DPYS: variants seen among roughly 807,000 people sequenced by gnomAD.
DPYS encodes dihydropyrimidinase.
DPYS carries 39 observed loss-of-function variants against 50.3 expected under a neutral mutation model. The ratio of observed to expected loss-of-function variants is 0.78; its 90% CI spans 0.60 to 1.01. The LOEUF (loss-of-function observed/expected upper bound fraction) is 1.01. Among genes scored for constraint, DPYS ranks in the 50% least tolerant of loss-of-function variants. The pLI is 0.00. For synonymous variants in DPYS, 245 were observed against 250.7 expected (o/e 0.98, Z 0.22); for missense variants, 659 against 680.9 (o/e 0.97, Z 0.36).
chr8:104,452,319 C>G (rs1448413446), intron 1 of DPYS, among the ~76,000 whole-genome samples: 2 of 152,214 alleles, frequency 1.3e-5, no homozygotes, highest in East Asian at 3.9e-4. Context: ...TGTATTCAAA[C>G]AATGTAGGTG....
At chr8:104,393,056 A>G (rs974190426) in intron 7 of DPYS, 65 bp from the exon 8 acceptor site, 2 of 1,471,014 alleles carry the variant, frequency 1.4e-6, no homozygotes, top group African/African-American at 2.8e-5. Flanking sequence ...AATATAAAAT[A>G]TTAAAAGAAG....
intron 8 of DPYS, among the ~76,000 whole-genome samples, chr8:104,383,665 A>C (rs1268175142): frequency 6.6e-6 from 1 of 150,838 alleles, no homozygotes; most frequent in Non-Finnish European, 1.5e-5. Flanking sequence ...ACAGTGGCAC[A>C]ATGTTGGCTC....
At chr8:104,411,239 A>G (rs1331922248) in intron 7 of DPYS, among the ~76,000 whole-genome samples, 1 of 152,232 alleles carries the variant, frequency 6.6e-6, no homozygotes, top group Non-Finnish European at 1.5e-5. Context: ...CACACAATGA[A>G]CATGCAATCA....
At chr8:104,464,151 T>C (rs1413251301) in intron 1 of DPYS, among the ~76,000 whole-genome samples, 1 of 152,226 alleles carries the variant, frequency 6.6e-6, no homozygotes, top group Non-Finnish European at 1.5e-5. Context: ...TTTTGTTTAA[T>C]GTTTTCACAA....
intron 7 of DPYS, among the ~76,000 whole-genome samples, chr8:104,403,502 G>A (rs773820599): frequency 1.1e-4 from 17 of 152,124 alleles, no homozygotes; most frequent in African/African-American, 3.6e-4. Context: ...GATCTCTGCC[G>A]CCAGTAACAG....
rs1400397779 is a variant in DPYS at position 104,451,235 on chromosome 8, A to T, written c.423+11T>A. The T allele has an allele frequency of 1.2e-6, 2 of 1,613,542 alleles. No homozygotes were observed. Among genetic ancestry groups the T allele is most frequent in the Non-Finnish European group, 8.5e-7 (1 of 1,179,990 alleles). On this transcript the variant is annotated intron_variant, in intron 2 of 9. Transcript: ENST00000351513. ...GGACAATGGGAACACATTGAAATCC[A>T]GGTGCTTTACCTGGTCACTCCACCA...
chr8:104,455,776 T>C (rs1270923304), intron 1 of DPYS, among the ~76,000 whole-genome samples: 1 of 152,024 alleles, frequency 6.6e-6, no homozygotes, highest in East Asian at 1.9e-4. Flanking sequence ...AAAACCACAC[T>C]GAGCCAAGAC....
intron 1 of DPYS, among the ~76,000 whole-genome samples, chr8:104,461,359 G>A (rs576322085): frequency 4.9e-5 from 7 of 141,690 alleles, no homozygotes; most frequent in African/African-American, 8.0e-5. Context: ...ATCCATCATC[G>A]ACAAGAATAC....
At chr8:104,413,637 C>A (rs1173744541) in intron 7 of DPYS, among the ~76,000 whole-genome samples, 1 of 152,052 alleles carries the variant, frequency 6.6e-6, no homozygotes, top group East Asian at 1.9e-4. Flanking sequence ...TCAGAGAAGA[C>A]CCAATATAAG....
Position 104,434,166 on chromosome 8 carries a change from T to C in DPYS, c.794-4465A>G, listed in dbSNP as rs1030434141. Among the ~76,000 whole-genome samples, 13 of 656 alleles carry C rather than the reference T, an allele frequency of 0.02. No homozygotes were observed. The Admixed American group carries it at 0.22, about 11-fold the overall frequency. 0.4% of individuals were successfully genotyped at this position (656 alleles called of 152,430 possible). A position where few individuals can be genotyped will look rare whatever the true frequency, so the allele number is the denominator to read the frequency against. On this transcript the variant is annotated intron_variant, in intron 4 of 9. Transcript: ENST00000351513. The stretch of plus-strand genomic sequence containing the variant: ...GGGGCTTCCTGGTTATAGGTAGATG[T>C]CAAATTTTCTGATTGGCAATTGGTT...
intron 1 of DPYS, among the ~76,000 whole-genome samples, chr8:104,458,060 G>T (rs1217949113): frequency 6.6e-6 from 1 of 152,160 alleles, no homozygotes; most frequent in Non-Finnish European, 1.5e-5. Context: ...CAGAAAGGAA[G>T]AGGGCCATAA....
Position 104,444,323 on chromosome 8 carries a change from C to A in DPYS, c.718G>T (p.Val240Leu), listed in dbSNP as rs1177067449. 1 of 1,614,138 alleles carries A rather than the reference C, an allele frequency of 6.2e-7. No individual in the cohort carries two copies. Among genetic ancestry groups the A allele is most frequent in the East Asian group, 2.2e-5 (1 of 44,898 alleles). ...TLRAITIASA[V>L]NCPLYIVHVM... is the part of the protein sequence containing the mutation. ...TGCACAATGTAGAGAGGACAGTTCACAGCGCTGGCTATGGTGATGGCTCTC... is the reference window on the plus strand; with the variant it reads ...TGCACAATGTAGAGAGGACAGTTCAAAGCGCTGGCTATGGTGATGGCTCTC... The change falls in exon 4 of 10, where the codon GTG (valine) becomes TTG (leucine). Residue 240 changes from valine (V) to leucine (L), a missense_variant. Val to Leu is a conservative substitution (Grantham distance 32, BLOSUM62 1). Transcript: ENST00000351513.
chr8:104,454,223 T>C (rs1398606303), intron 1 of DPYS, among the ~76,000 whole-genome samples: 3 of 151,916 alleles, frequency 2.0e-5, no homozygotes, highest in Non-Finnish European at 4.4e-5. Flanking sequence ...CCATCTCTAC[T>C]AAAAATACAA....
At chr8:104,461,492 G>A (rs1055555491) in intron 1 of DPYS, among the ~76,000 whole-genome samples, 3 of 152,158 alleles carry the variant, frequency 2.0e-5, no homozygotes, top group East Asian at 3.9e-4. Context: ...GATCATTTCT[G>A]AGGCAATCAT....
At chr8:104,405,807 G>A (rs1008441828) in intron 7 of DPYS, among the ~76,000 whole-genome samples, 2 of 152,222 alleles carry the variant, frequency 1.3e-5, no homozygotes, top group African/African-American at 2.4e-5. Context: ...CAGGGAGCAC[G>A]CCTGAGGACA....
intron 7 of DPYS, among the ~76,000 whole-genome samples, chr8:104,408,472 T>C (rs1430731558): frequency 6.6e-6 from 1 of 152,210 alleles, no homozygotes; most frequent in Non-Finnish European, 1.5e-5. Flanking sequence ...ATGTATGTTA[T>C]TCATAGCTGA....
intron 7 of DPYS, among the ~76,000 whole-genome samples, chr8:104,409,013 C>A (rs1017697072): frequency 6.6e-6 from 1 of 151,674 alleles, no homozygotes; most frequent in South Asian, 2.1e-4. Flanking sequence ...GAGGTTTCAC[C>A]ATGTTGGCCA....
chr8:104,446,713 G>A (rs1413987866), intron 3 of DPYS, among the ~76,000 whole-genome samples: 1 of 151,998 alleles, frequency 6.6e-6, no homozygotes, highest in South Asian at 2.1e-4. Context: ...ACTTTAATGG[G>A]AGCTGAGCCT....
intron 8 of DPYS, among the ~76,000 whole-genome samples, chr8:104,386,054 G>C (rs183233982): frequency 2.0e-5 from 3 of 152,316 alleles, no homozygotes; most frequent in African/African-American, 7.2e-5. Context: ...AATTGAACTT[G>C]AGTTCTCAGT....
Sources: gnomAD v4.1 joint callset for allele counts (sites outside exome capture counted in the v4.1 genomes callset) on GRCh38, gnomAD v4.1.1 for gene constraint, MANE v1.5 for transcripts, NCBI Gene and HGNC (gene_info 2026-07-23, HGNC 2026-07-21) for gene names.